The following NCOA7 variants were observed in gnomAD, a reference collection of about 807,000 sequenced individuals.
The protein encoded by NCOA7 is 140 kDa estrogen receptor-associated protein.
NCOA7 carries 45 observed loss-of-function variants against 104.3 expected under a neutral mutation model. That is an observed-to-expected ratio of 0.43 (90% confidence interval 0.34 to 0.55). The LOEUF is 0.55. Among genes scored for constraint, NCOA7 ranks in the 20% least tolerant of loss-of-function variants. The pLI, the probability that NCOA7 is intolerant of heterozygous loss-of-function variation, is 0.02. For missense variants in NCOA7, 1,041 were observed against 1,119.7 expected (o/e 0.93, Z 1.00); for synonymous variants, 398 against 402.3 (o/e 0.99, Z 0.13).
At chr6:125,812,242 T>A (rs1777091010) in intron 1 of NCOA7, among the ~76,000 whole-genome samples, 1 of 152,202 alleles carries the variant, frequency 6.6e-6, no homozygotes, top group Non-Finnish European at 1.5e-5. Flanking sequence ...CTGGCATTCC[T>A]ACTTTCTGGA....
chr6:125,830,254 T>C (rs1037607576), intron 2 of NCOA7, among the ~76,000 whole-genome samples: 2 of 152,376 alleles, frequency 1.3e-5, no homozygotes. Flanking sequence ...GACAACATCA[T>C]GAACCTTTTC....
At chr6:125,809,810 C>T (rs980386039) in intron 1 of NCOA7, among the ~76,000 whole-genome samples, 4 of 152,134 alleles carry the variant, frequency 2.6e-5, no homozygotes, top group African/African-American at 7.2e-5. Flanking sequence ...GTTGGGAAAA[C>T]AGCTGATGGG....
intron 3 of NCOA7, among the ~76,000 whole-genome samples, chr6:125,869,393 GA>G (rs1311428334): frequency 6.6e-6 from 1 of 151,722 alleles, no homozygotes; most frequent in African/African-American, 2.4e-5. Context: ...TCTCTTATTT[GA>G]ATCTCAATTT....
chr6:125,859,609 C>T (rs777298197), intron 3 of NCOA7, among the ~76,000 whole-genome samples: 7 of 151,930 alleles, frequency 4.6e-5, no homozygotes, highest in Non-Finnish European at 8.8e-5. Flanking sequence ...TATTAATAAT[C>T]AGAAAATAGA....
intron 1 of NCOA7, among the ~76,000 whole-genome samples, chr6:125,793,470 A>C (rs1429483352): frequency 6.6e-6 from 1 of 152,148 alleles, no homozygotes; most frequent in African/African-American, 2.4e-5. Flanking sequence ...AGATTTGAAG[A>C]GGTATTTTTC....
intron 2 of NCOA7, among the ~76,000 whole-genome samples, chr6:125,833,905 C>T (rs1006973998): frequency 3.9e-5 from 6 of 152,162 alleles, no homozygotes; most frequent in African/African-American, 1.2e-4. Flanking sequence ...GGCCCTTCTT[C>T]CCTTTGTCTC....
chr6:125,923,460 C>A (rs1336975910), intron 13 of NCOA7, among the ~76,000 whole-genome samples: 1 of 152,158 alleles, frequency 6.6e-6, no homozygotes, highest in Non-Finnish European at 1.5e-5. Flanking sequence ...TTATCTCTTC[C>A]CGTAAGTCAG....
chr6:125,855,260 C>T lies in NCOA7; in HGVS notation c.271+20C>T, dbSNP rs1266790947. ...GTATTGGTGAGTATTCATGGCGTTA[C>T]TGCAGTATTTTCATTTAAAAAATCT... On this transcript the variant is annotated intron_variant, in intron 3 of 15. Coordinates refer to ENST00000392477, the MANE Select transcript of NCOA7 (RefSeq NM_181782.5). 7 of 1,531,064 alleles carry T rather than the reference C, an allele frequency of 4.6e-6. No homozygotes were observed. Among genetic ancestry groups the T allele is most frequent in the Non-Finnish European group, 6.3e-6 (7 of 1,116,488 alleles). The allele number at this position is 1,531,064 out of a possible 1,614,324, so 94.8% of individuals were successfully genotyped here. A position where few individuals can be genotyped will look rare whatever the true frequency, so the allele number is the denominator to read the frequency against.
chr6:125,927,873 G>A, intron 14 of NCOA7, 115 bp downstream of exon 14: 1 of 898,240 alleles, frequency 1.1e-6, no homozygotes, highest in Admixed American at 1.9e-5. Flanking sequence ...CTGACTCCGG[G>A]CTGGGTCAGC....
chr6:125,867,560 G>C (rs1782539054), intron 3 of NCOA7, among the ~76,000 whole-genome samples: 1 of 152,194 alleles, frequency 6.6e-6, no homozygotes, highest in South Asian at 2.1e-4. Context: ...TGCTGTGCAA[G>C]GTAGCCTCTG....
At chr6:125,786,385 C>T (rs1009976916), upstream of NCOA7, among the ~76,000 whole-genome samples, 8 of 152,100 alleles carry the variant, frequency 5.3e-5, no homozygotes. Context: ...TTCAATAGCT[C>T]CAAGGTCATT....
At chr6:125,792,417 C>A (rs556354089) in intron 1 of NCOA7, among the ~76,000 whole-genome samples, 3 of 152,200 alleles carry the variant, frequency 2.0e-5, no homozygotes, top group Non-Finnish European at 4.4e-5. Flanking sequence ...ATCATGCCAA[C>A]TTCAACTGTG....
At position 125,889,343 on chromosome 6, in the gene NCOA7, T is replaced by A; in HGVS notation, c.1289T>A (p.Met430Lys). The A allele has an allele frequency of 6.2e-7, 1 of 1,614,096 alleles. No individual in the cohort carries two copies. The highest frequency in any genetic ancestry group is 8.5e-7 in the Non-Finnish European group (1 of 1,179,988). Reference protein sequence around the residue: ...EELSSQTGGGMHKKDTLKECL... With the variant: ...EELSSQTGGGKHKKDTLKECL... ...CTTTCTTCTCAAACTGGTGGTGGAA[T>A]GCACAAAAAAGACACCTTGAAGGAG... Residue 430 changes from methionine (M) to lysine (K), a missense_variant, in exon 9 of 16, where the codon ATG becomes AAG. Physicochemically the swap from Met to Lys is moderately conservative, Grantham distance 95. Transcript: ENST00000392477.
At chr6:125,830,733 A>ATGTGTGTGTG (rs1491378471) in intron 2 of NCOA7, among the ~76,000 whole-genome samples, 154 of 111,778 alleles carry the variant, frequency 1.4e-3, no homozygotes, top group East Asian at 3.9e-3. Context: ...ATATATATAT[A>ATGTGTGTGTG]TATATGTGTG....
chr6:125,839,171 G>T (rs1779890881), intron 2 of NCOA7, among the ~76,000 whole-genome samples: 1 of 152,120 alleles, frequency 6.6e-6, no homozygotes, highest in African/African-American at 2.4e-5. Flanking sequence ...AGGCTAGAGT[G>T]CAGTGGAGCA....
chr6:125,832,337 A>G (rs7741258), intron 2 of NCOA7, among the ~76,000 whole-genome samples: 3,612 of 152,214 alleles, frequency 0.024, 139 homozygotes, highest in African/African-American at 0.08. Flanking sequence ...TTTGTGCGCT[A>G]AACCTGCCTA....
chr6:125,789,614 T>C (rs568068767), upstream of NCOA7, among the ~76,000 whole-genome samples: 141 of 152,342 alleles, frequency 9.3e-4, no homozygotes, highest in African/African-American at 3.3e-3. Flanking sequence ...CCAACATCTT[T>C]ACATTCAAAT....
intron 2 of NCOA7, among the ~76,000 whole-genome samples, chr6:125,842,380 A>G (rs377021948): frequency 6.6e-6 from 1 of 152,284 alleles, no homozygotes; most frequent in African/African-American, 2.4e-5. Flanking sequence ...AGAAAACAAC[A>G]TTTTGCTGTT....
At chr6:125,908,573 G>A (rs1786241224) in intron 10 of NCOA7, among the ~76,000 whole-genome samples, 1 of 152,144 alleles carries the variant, frequency 6.6e-6, no homozygotes. Flanking sequence ...GATGGTATTA[G>A]GCGTTTGATT....
Sources: gnomAD v4.1 joint callset for allele counts (sites outside exome capture counted in the v4.1 genomes callset) on GRCh38, gnomAD v4.1.1 for gene constraint, MANE v1.5 for transcripts, NCBI Gene and HGNC (gene_info 2026-07-23, HGNC 2026-07-21) for gene names.